RAPGEF1: variants seen among roughly 807,000 people sequenced by gnomAD.
RAPGEF1 encodes CRK SH3-binding GNRP.
Under a neutral mutation model 143.3 loss-of-function variants are expected in RAPGEF1, and 33 were observed. The observed-to-expected ratio is 0.23, with a 90% CI of 0.17 to 0.31. RAPGEF1 has a LOEUF of 0.31. RAPGEF1 is among the 10% of genes least tolerant of loss of function. RAPGEF1 has a pLI of 1.00. For missense variants in RAPGEF1, 1,199 were observed against 1,645.4 expected, an observed-to-expected ratio of 0.73 and a Z score of 4.69; for synonymous variants, 629 against 676.5, an observed-to-expected ratio of 0.93 and a Z score of 1.09.
rs368180785 is a variant in RAPGEF1, at chr9:131,685,683, A to G, written c.62-34734T>C. The stretch of plus-strand genomic sequence containing the variant: ...TAAACACGTGGGTAAATCTCTGTTC[A>G]GGGCTCTCAGCTCTGAAGGCTGTGA... On this transcript the variant is annotated intron_variant, in intron 1 of 26. Coordinates refer to ENST00000683357, the MANE Select transcript of RAPGEF1 (RefSeq NM_001377935.1). Among the ~76,000 whole-genome samples the G allele has an allele frequency of 2.8e-4, 43 of 152,310 alleles. No individual in the cohort carries two copies. In the East Asian group the frequency reaches 6.8e-3, roughly 24 times the overall value.
intron 11 of RAPGEF1, among the ~76,000 whole-genome samples, chr9:131,619,572 G>A (rs1007307861): frequency 4.6e-5 from 7 of 152,166 alleles, no homozygotes; most frequent in Non-Finnish European, 7.4e-5. Context: ...GAACTCAGAC[G>A]GGGCTCCGGC....
Position 131,605,171 on chromosome 9 carries a change from C to T in RAPGEF1, c.2079G>A (p.Arg693=), listed in dbSNP as rs770766239. The T allele has an allele frequency of 7.4e-7, 1 of 1,354,820 alleles. No homozygotes were observed. The highest frequency in any genetic ancestry group is 1.2e-5 in the South Asian group (1 of 86,128). The allele number at this position is 1,354,820 out of a possible 1,614,324, so 83.9% of individuals were successfully genotyped here. A position where few individuals can be genotyped will look rare whatever the true frequency, so the allele number is the denominator to read the frequency against. The change falls in exon 13 of 27, where the codon AGG becomes AGA. Residue 693 remains arginine, a synonymous_variant. Coordinates refer to ENST00000683357, the MANE Select transcript of RAPGEF1 (RefSeq NM_001377935.1). ...LPVPSYKSVF[R]SYSQDFVPHH... ...GAGGCACGAAATCCTGGGAGTAGGACCTAAACACAGACTTATACTACAGAA... is the reference window on the plus strand; with the variant it reads ...GAGGCACGAAATCCTGGGAGTAGGATCTAAACACAGACTTATACTACAGAA...
At chr9:131,727,836 C>A (rs1836777208) in intron 1 of RAPGEF1, among the ~76,000 whole-genome samples, 1 of 152,128 alleles carries the variant, frequency 6.6e-6, no homozygotes, top group African/African-American at 2.4e-5. Flanking sequence ...ACAGATCATG[C>A]AGAAAAGCAT....
intron 1 of RAPGEF1, among the ~76,000 whole-genome samples, chr9:131,679,831 C>A (rs1673223188): frequency 1.3e-5 from 2 of 152,322 alleles, no homozygotes; most frequent in Middle Eastern, 3.4e-3. Flanking sequence ...CTTCAGCTCC[C>A]TGCCACAGGG....
chr9:131,589,058 A>C, intron 19 of RAPGEF1, 72 bp from the exon 20 acceptor site: 2 of 1,463,208 alleles, frequency 1.4e-6, no homozygotes, highest in Non-Finnish European at 1.9e-6. Flanking sequence ...TTGCCTTGAG[A>C]CACACAAAGG....
chr9:131,671,117 A>G (rs1414723810), intron 1 of RAPGEF1, among the ~76,000 whole-genome samples: 2 of 152,246 alleles, frequency 1.3e-5, no homozygotes, highest in Admixed American at 1.3e-4. Context: ...CCCAACTTCA[A>G]AAACTCAGTT....
chr9:131,587,065 AACACAC>A lies in RAPGEF1; in HGVS notation c.3233+665_3233+670del, dbSNP rs748456950. On this transcript the variant is annotated intron_variant, in intron 22 of 26. Coordinates refer to ENST00000683357, the MANE Select transcript of RAPGEF1 (RefSeq NM_001377935.1). ...CCCTGCAGAGCGAGACTCCGTCTCA[AACACAC>A]ACACACACACACCTGCAGAGCGAGA... Among the ~76,000 whole-genome samples, 2 of 41,906 alleles carry A rather than the reference AACACAC, an allele frequency of 4.8e-5. 1 individual carries two copies. 27.5% of individuals were successfully genotyped at this position (41,906 alleles called of 152,430 possible). A position where few individuals can be genotyped will look rare whatever the true frequency, so the allele number is the denominator to read the frequency against.
At chr9:131,586,257 AACAC>A (rs55722149) in intron 22 of RAPGEF1, among the ~76,000 whole-genome samples, 1,042 of 91,344 alleles carry the variant, frequency 0.011, 18 homozygotes, top group African/African-American at 0.039. Context: ...CTCTGTCTCA[AACAC>A]ACACACACAC....
chr9:131,641,278 T>C lies in RAPGEF1; in HGVS notation c.494+1961A>G, dbSNP rs1967888597. 6.6e-6 allele frequency among the ~76,000 whole-genome samples: 1 copy of C among 152,160 alleles called. No homozygotes were observed. The highest frequency in any genetic ancestry group is 2.4e-5 in the African/African-American group (1 of 41,434). On this transcript the variant is annotated intron_variant, in intron 4 of 26. Coordinates refer to ENST00000683357, the MANE Select transcript of RAPGEF1 (RefSeq NM_001377935.1). The surrounding 1 kb of genome is among the most constrained non-coding windows in gnomAD (Gnocchi z 4.6). ...AGGGTGATCAGTCGCCTCTTCCCAC[T>C]GTTCCCCTCTCGTCCATGCTCTAGG... is the stretch of plus-strand genomic sequence containing the variant.
intron 1 of RAPGEF1, among the ~76,000 whole-genome samples, chr9:131,711,361 C>CTTTTT (rs71374121): frequency 1.5e-5 from 2 of 130,312 alleles, no homozygotes; most frequent in Admixed American, 7.8e-5. Context: ...CTATTATCAC[C>CTTTTT]TTTTTTTTTT....
At chr9:131,707,401 T>A (rs1835154079) in intron 1 of RAPGEF1, among the ~76,000 whole-genome samples, 1 of 152,194 alleles carries the variant, frequency 6.6e-6, no homozygotes, top group Non-Finnish European at 1.5e-5. Flanking sequence ...TAGGTCCCCA[T>A]TTATTTATAC....
chr9:131,621,843 G>C lies in RAPGEF1; in HGVS notation c.1858C>G (p.Gln620Glu). The change falls in exon 11 of 27, where the codon CAG (glutamine) becomes GAG (glutamate). Residue 620 changes from glutamine to glutamate, a missense_variant. Around this residue, in one of 6 missense-constraint regions of RAPGEF1, gnomAD observed 293 missense variants for 356.2 expected, o/e 0.82. Transcript: ENST00000683357. This position sits in a 1 kb window ranked among gnomAD's most constrained non-coding sequence, Gnocchi z 4.5. Reference sequence around the variant, plus strand: ...AGGGCGGGCGGCGGGGCCAGCTCCTGCACGGAGTCCACCCCACTGAAGGAG... The same window carrying C: ...AGGGCGGGCGGCGGGGCCAGCTCCTCCACGGAGTCCACCCCACTGAAGGAG... ...SDSFSGVDSV[Q>E]ELAPPPALPP... The C allele has an allele frequency of 2.5e-6, 4 of 1,611,204 alleles. No homozygotes were observed. Among genetic ancestry groups the C allele is most frequent in the Non-Finnish European group, 3.4e-6 (4 of 1,178,796 alleles).
rs10690802 is a variant in RAPGEF1 at position 131,627,213 on chromosome 9, CAAAAAAAAAAAAAAAAAA to C, written c.1201+682_1201+699del. 3.8e-4 allele frequency among the ~76,000 whole-genome samples: 37 copies of C among 97,412 alleles called. 1 individual carries two copies. The East Asian group carries it at 0.013, about 35-fold the overall frequency. 63.9% of individuals were successfully genotyped at this position (97,412 alleles called of 152,430 possible). ...TGGGTGACAGAGTGAGGCTCTGTCT[CAAAAAAAAAAAAAAAAAA>C]AAAAAAAAAAGAAACAATTGAGAAT... On this transcript the variant is annotated intron_variant, in intron 9 of 26. Transcript: ENST00000683357.
intron 1 of RAPGEF1, among the ~76,000 whole-genome samples, chr9:131,716,767 T>C (rs1329948950): frequency 6.6e-6 from 1 of 152,112 alleles, no homozygotes; most frequent in Non-Finnish European, 1.5e-5. Context: ...AGGCAGACCC[T>C]GTCTCAAAAA....
At position 131,626,032 on chromosome 9, in the gene RAPGEF1, T is replaced by G. The variant is rs62636643; in HGVS notation, c.1592A>C (p.Gln531Pro). ...GACAGGGGCTGAGGAACCTCCATGC[T>G]GAAAGGGCAGAATAGCAGCAAAGGG... ...YAPFAAILPFQHGGSSAPVEF... is the reference protein window; with the variant it reads ...YAPFAAILPFPHGGSSAPVEF... The change falls in exon 10 of 27, where the codon CAG (glutamine) becomes CCG (proline). Residue 531 changes from glutamine to proline, a missense_variant. Coordinates refer to ENST00000683357, the MANE Select transcript of RAPGEF1 (RefSeq NM_001377935.1). 1.2e-4 allele frequency: 186 copies of G among 1,612,464 alleles called. No homozygotes were observed. The African/African-American group carries it at 2.3e-3, about 20-fold the overall frequency.
At position 131,627,995 on chromosome 9, in the gene RAPGEF1, C is replaced by T. The variant is rs17148118; in HGVS notation, c.1119G>A (p.Lys373=). The change falls in exon 9 of 27, where the codon AAG becomes AAA. Residue 373 remains lysine (K), a synonymous_variant. Coordinates refer to ENST00000683357, the MANE Select transcript of RAPGEF1 (RefSeq NM_001377935.1). Reference sequence around the variant, plus strand: ...ACAGCTGCTCGTCTGACTTGCTGAGCTTGCCTATGCTGCTGCAGGGGGAGA... The same window carrying T: ...ACAGCTGCTCGTCTGACTTGCTGAGTTTGCCTATGCTGCTGCAGGGGGAGA... ...PRLSPCSSIG[K]LSKSDEQLSS... 3.2e-3 allele frequency: 5,123 copies of T among 1,594,496 alleles called. 130 individuals are homozygous for T. In the African/African-American group the frequency reaches 0.058, roughly 18 times the overall value.
chr9:131,626,433 A>T lies in RAPGEF1; in HGVS notation c.1202-11T>A. ...CGGGATCATAGTGGTCTGCAGTTACAACAGGGGAAAAAGAGACCCGTTAGC... is the reference window on the plus strand; with the variant it reads ...CGGGATCATAGTGGTCTGCAGTTACTACAGGGGAAAAAGAGACCCGTTAGC... On this transcript the variant is annotated splice_polypyrimidine_tract_variant and intron_variant, in intron 9 of 26. Coordinates refer to ENST00000683357, the MANE Select transcript of RAPGEF1 (RefSeq NM_001377935.1). 6.4e-7 allele frequency: 1 copy of T among 1,558,126 alleles called. No homozygotes were observed. Among genetic ancestry groups the T allele is most frequent in the East Asian group, 2.3e-5 (1 of 44,174 alleles).
intron 25 of RAPGEF1, among the ~76,000 whole-genome samples, 179 bp downstream of exon 25, chr9:131,582,426 T>C (rs998306867): frequency 1.3e-5 from 2 of 151,912 alleles, no homozygotes; most frequent in Admixed American, 1.3e-4. Context: ...ATATTATATA[T>C]ATGTATTGTA....
chr9:131,583,493 G>A lies in RAPGEF1; in HGVS notation c.3415-791C>T, dbSNP rs975347730. Among the ~76,000 whole-genome samples, 9 of 150,466 alleles carry A rather than the reference G, an allele frequency of 6.0e-5. No homozygotes were observed. The highest frequency in any genetic ancestry group is 1.2e-4 in the African/African-American group (5 of 40,748). The stretch of plus-strand genomic sequence containing the variant: ...CCCCCAGGTGGCCTGGCTGACGCTC[G>A]GGTTCCTGACATGACCTCTGGGTGG... On this transcript the variant is annotated intron_variant, in intron 24 of 26. Transcript: ENST00000683357. This position sits in a 1 kb window ranked among gnomAD's most constrained non-coding sequence, Gnocchi z 4.7.
Sources: gnomAD v4.1 joint callset for allele counts (sites outside exome capture counted in the v4.1 genomes callset) on GRCh38, gnomAD v4.1.1 for gene constraint, gnomAD v4.1.1 regional missense constraint, Gnocchi (gnomAD v3.1) non-coding constraint, MANE v1.5 for transcripts, NCBI Gene and HGNC (gene_info 2026-07-23, HGNC 2026-07-21) for gene names.